The following IQCH variants were observed in gnomAD, a reference collection of about 807,000 sequenced individuals.
IQCH encodes IQ domain-containing protein H.
In IQCH, 98 loss-of-function variants were observed where a neutral mutation model predicts 117.0. The ratio of observed to expected loss-of-function variants is 0.84; its 90% confidence interval spans 0.71 to 0.99. The LOEUF is 0.99. Ranked by LOEUF, IQCH falls within the 50% of genes least tolerant of loss-of-function variation. IQCH has a pLI of 0.00. For synonymous variants in IQCH, 412 were observed against 448.2 expected, an observed-to-expected ratio of 0.92 and a Z score of 1.02; for missense variants, 1,102 against 1,243.8, an observed-to-expected ratio of 0.89 and a Z score of 1.72.
rs2081912698 is a variant in IQCH at position 67,427,203 on chromosome 15, ATTTG to A, written c.2505+5630_2505+5633del. Among the ~76,000 whole-genome samples, 4 of 152,106 alleles carry A rather than the reference ATTTG, an allele frequency of 2.6e-5. No homozygotes were observed. The highest frequency in any genetic ancestry group is 6.5e-5 in the Admixed American group (1 of 15,268). ...ACTTCTTTGCTTAGTCAGTTTACTT[ATTTG>A]TTTAATGTAACTAATCTCCCAACCA... On this transcript the variant is annotated intron_variant, in intron 16 of 20. Coordinates refer to ENST00000335894, the MANE Select transcript of IQCH (RefSeq NM_001031715.3). This position sits in a 1 kb window ranked among gnomAD's most constrained non-coding sequence, Gnocchi z 4.7.
chr15:67,482,397 TG>T lies in IQCH; in HGVS notation c.2799+6580del, dbSNP rs1288894502. Among the ~76,000 whole-genome samples the T allele has an allele frequency of 3.3e-5, 5 of 152,230 alleles. No individual in the cohort carries two copies. In the East Asian group the frequency reaches 9.6e-4, roughly 29 times the overall value. On this transcript the variant is annotated intron_variant, in intron 18 of 20. Coordinates refer to ENST00000335894, the MANE Select transcript of IQCH (RefSeq NM_001031715.3). Reference sequence around the variant, plus strand: ...ATAGTGAGGACTGAATAGATAATTTTGTTTTTTTTCTTTATAGTTCATGGCT... The same window carrying T: ...ATAGTGAGGACTGAATAGATAATTTTTTTTTTTTCTTTATAGTTCATGGCT...
At chr15:67,315,711 G>A (rs1388629732) in intron 4 of IQCH, among the ~76,000 whole-genome samples, 1 of 152,074 alleles carries the variant, frequency 6.6e-6, no homozygotes, top group Non-Finnish European at 1.5e-5. Flanking sequence ...GCCTTCAGCT[G>A]ATGTCTTATG....
At chr15:67,429,231 A>G (rs940844386) in intron 16 of IQCH, among the ~76,000 whole-genome samples, 1 of 152,238 alleles carries the variant, frequency 6.6e-6, no homozygotes, top group Non-Finnish European at 1.5e-5. Flanking sequence ...CATGTATTAT[A>G]GTCTAGGCTC....
At chr15:67,349,163 G>T (rs1969538603) in intron 6 of IQCH, among the ~76,000 whole-genome samples, 1 of 152,200 alleles carries the variant, frequency 6.6e-6, no homozygotes, top group South Asian at 2.1e-4. Context: ...ACTTTTGGAA[G>T]AAAACAAAGG....
rs1396238144 is a variant in IQCH at position 67,411,913 on chromosome 15, C to G, written c.2098-5018C>G. Among the ~76,000 whole-genome samples the G allele has an allele frequency of 6.6e-6, 1 of 152,210 alleles. No homozygotes were observed. The highest frequency in any genetic ancestry group is 2.4e-5 in the African/African-American group (1 of 41,452). ...TTACATACTTGGTAGACAAGAATCT[C>G]TGGGGTGCATCGGCCAGGCTGGTGG... On this transcript the variant is annotated intron_variant, in intron 14 of 20. Transcript: ENST00000335894. The surrounding 1 kb of genome is among the most constrained non-coding windows in gnomAD (Gnocchi z 4.4).
chr15:67,343,399 T>C (rs1259170566), intron 5 of IQCH, among the ~76,000 whole-genome samples: 2 of 152,230 alleles, frequency 1.3e-5, no homozygotes, highest in African/African-American at 4.8e-5. Flanking sequence ...GGTCAATCAT[T>C]CATTGACTTA....
At chr15:67,307,125 TAAA>T (rs1967337957) in intron 4 of IQCH, 1 of 1,130,314 alleles carries the variant, frequency 8.8e-7, no homozygotes, top group African/African-American at 1.6e-5. Context: ...AAAAAAATCA[TAAA>T]AACATTTTTC....
intron 4 of IQCH, among the ~76,000 whole-genome samples, chr15:67,291,862 T>C (rs77522868): frequency 0.056 from 8,565 of 152,280 alleles, 300 homozygotes; most frequent in Non-Finnish European, 0.087. Flanking sequence ...TTTTTGAAAA[T>C]ATTTGTTTCC....
At chr15:67,341,133 GC>G (rs1487067955) in intron 5 of IQCH, among the ~76,000 whole-genome samples, 2 of 152,152 alleles carry the variant, frequency 1.3e-5, no homozygotes, top group Admixed American at 1.3e-4. Context: ...GATGGCTTGA[GC>G]CCTAGAGGCG....
chr15:67,484,240 C>A (rs1051150917), intron 18 of IQCH, among the ~76,000 whole-genome samples: 1 of 151,578 alleles, frequency 6.6e-6, no homozygotes, highest in African/African-American at 2.4e-5. Flanking sequence ...ACCCTGTCTC[C>A]ACAAAAAATA....
rs977321088 is a variant in IQCH, at chr15:67,413,934, G to T, written c.2098-2997G>T. ...GCTGGCTTTGTGATCAGAGGCGGTG[G>T]CAGAAGCCTGGCACAGTGTCCAGAT... is the stretch of plus-strand genomic sequence containing the variant. On this transcript the variant is annotated intron_variant, in intron 14 of 20. Coordinates refer to ENST00000335894, the MANE Select transcript of IQCH (RefSeq NM_001031715.3). The surrounding 1 kb of genome is among the most constrained non-coding windows in gnomAD (Gnocchi z 5.0). Among the ~76,000 whole-genome samples, 8 of 152,204 alleles carry T rather than the reference G, an allele frequency of 5.3e-5. No individual in the cohort carries two copies. Among genetic ancestry groups the T allele is most frequent in the Non-Finnish European group, 1.2e-4 (8 of 68,028 alleles).
At chr15:67,259,174 A>G (rs1965354746) in intron 1 of IQCH, among the ~76,000 whole-genome samples, 1 of 152,008 alleles carries the variant, frequency 6.6e-6, no homozygotes, top group East Asian at 1.9e-4. Context: ...TTATATTTTT[A>G]CTCATTTTAT....
At position 67,364,626 on chromosome 15, in the gene IQCH, A is replaced by C. The variant is rs537760508; in HGVS notation, c.753+4741A>C. 3.9e-5 allele frequency among the ~76,000 whole-genome samples: 6 copies of C among 152,310 alleles called. No individual in the cohort carries two copies. In the East Asian group the frequency reaches 1.2e-3, roughly 29 times the overall value. ...TTCACTTTATCTCTTTCATTGATCA[A>C]TTGTGACCTGATCATTCATAGAAAA... On this transcript the variant is annotated intron_variant, in intron 8 of 20. Transcript: ENST00000335894. This position sits in a 1 kb window ranked among gnomAD's most constrained non-coding sequence, Gnocchi z 4.1.
intron 4 of IQCH, among the ~76,000 whole-genome samples, chr15:67,321,108 C>T (rs1968096921): frequency 6.6e-6 from 1 of 152,132 alleles, no homozygotes; most frequent in Non-Finnish European, 1.5e-5. Context: ...GACTATATTA[C>T]ATACTTTCCT....
chr15:67,367,809 C>T (rs1271926808), intron 8 of IQCH, among the ~76,000 whole-genome samples: 2 of 152,110 alleles, frequency 1.3e-5, no homozygotes, highest in East Asian at 3.9e-4. Context: ...AGCAAAGACA[C>T]ACTTCTTATA....
chr15:67,389,114 G>GT, intron 12 of IQCH, 108 bp downstream of exon 12: 1 of 823,826 alleles, frequency 1.2e-6, no homozygotes, highest in Non-Finnish European at 1.9e-6. Context: ...ATTATTGCAA[G>GT]TTTAACAGCT....
chr15:67,465,388 T>G lies in IQCH; in HGVS notation c.2676+91T>G, dbSNP rs1226713903. On this transcript the variant is annotated intron_variant, in intron 17 of 20. Transcript: ENST00000335894. The surrounding 1 kb of genome is among the most constrained non-coding windows in gnomAD (Gnocchi z 5.9). Reference sequence around the variant, plus strand: ...CTGTCTAGGAGCCAGGATCTTTGAGTACAGGAAGAAGAAAGAGCCTAAGGC... The same window carrying G: ...CTGTCTAGGAGCCAGGATCTTTGAGGACAGGAAGAAGAAAGAGCCTAAGGC... 5.9e-6 allele frequency: 8 copies of G among 1,358,964 alleles called. No homozygotes were observed. Among genetic ancestry groups the G allele is most frequent in the Non-Finnish European group, 7.1e-6 (7 of 988,738 alleles). The allele number at this position is 1,358,964 out of a possible 1,614,324, so 84.2% of individuals were successfully genotyped here.
chr15:67,372,891 G>A (rs1245791652), intron 9 of IQCH, among the ~76,000 whole-genome samples: 3 of 150,718 alleles, frequency 2.0e-5, no homozygotes, highest in Non-Finnish European at 4.4e-5. Flanking sequence ...TGCAAAATCT[G>A]TTGCAATTTT....
At chr15:67,263,991 TA>T (rs1965565691) in intron 3 of IQCH, among the ~76,000 whole-genome samples, 2 of 152,208 alleles carry the variant, frequency 1.3e-5, no homozygotes, top group Non-Finnish European at 2.9e-5. Context: ...GCACCCAGCA[TA>T]AATGAAAAAT....
Sources: allele counts gnomAD v4.1 joint callset (sites outside exome capture counted in the v4.1 genomes callset), GRCh38; gene constraint gnomAD v4.1.1; non-coding constraint Gnocchi (gnomAD v3.1); transcripts MANE v1.5; gene names NCBI Gene and HGNC (gene_info 2026-07-23, HGNC 2026-07-21).